The following MGA variants were observed in gnomAD, a reference collection of about 807,000 sequenced individuals.
The protein encoded by MGA is MAX dimerization protein MGA, also known as MAX gene-associated protein.
In MGA, 40 loss-of-function variants were observed where a neutral mutation model predicts 261.1. That is an observed-to-expected ratio of 0.15 (90% confidence interval 0.12 to 0.20). MGA has a LOEUF of 0.20. Among genes scored for constraint, MGA ranks in the 10% least tolerant of loss-of-function variants. The pLI, the probability that MGA is intolerant of heterozygous loss-of-function variation, is 1.00. For missense variants in MGA, 3,397 were observed against 3,630.5 expected (o/e 0.94, Z 1.65); for synonymous variants, 1,302 against 1,290.6 (o/e 1.01, Z -0.19).
intron 19 of MGA, among the ~76,000 whole-genome samples, chr15:41,758,314 C>T (rs987772217): frequency 6.6e-6 from 1 of 152,030 alleles, no homozygotes; most frequent in Non-Finnish European, 1.5e-5. Flanking sequence ...TCCTAACCAA[C>T]AGTAGGCATG....
In MGA at chr15:41,766,965, G is replaced by A. The variant is rs540096894; in HGVS notation, c.8883G>A (p.Val2961=). 16 of 1,613,882 alleles carry A rather than the reference G, an allele frequency of 9.9e-6. No individual in the cohort carries two copies. Among genetic ancestry groups the A allele is most frequent in the Non-Finnish European group, 1.4e-5 (16 of 1,179,902 alleles). ...GCCTCCCTGCAGAGCCCGAAAGTGT[G>A]TCCTCACCCCCCACCCTACACATGA... Residue 2961 remains valine (V), a synonymous_variant, in exon 24 of 24, where the codon GTG becomes GTA. Coordinates refer to ENST00000219905, the MANE Select transcript of MGA (RefSeq NM_001164273.2).
rs1162960633 is a variant in MGA at position 41,766,097 on chromosome 15, C to T, written c.8015C>T (p.Pro2672Leu). 7 of 1,613,772 alleles carry T rather than the reference C, an allele frequency of 4.3e-6. No homozygotes were observed. The highest frequency in any genetic ancestry group is 5.1e-6 in the Non-Finnish European group (6 of 1,179,888). Residue 2672 changes from proline to leucine, a missense_variant, in exon 24 of 24, where the codon CCT becomes CTT. Pro to Leu is a moderately conservative substitution (Grantham distance 98, BLOSUM62 -3). This residue lies in a region of MGA where 647 missense variants were observed against 642.4 expected (regional missense o/e 1.01). Coordinates refer to ENST00000219905, the MANE Select transcript of MGA (RefSeq NM_001164273.2). Reference sequence around the variant, plus strand: ...GTAGATATGGGTGGCAGCAAATATCCTCATGAAGTTCCTGATAGCAAGCCA... The same window carrying T: ...GTAGATATGGGTGGCAGCAAATATCTTCATGAAGTTCCTGATAGCAAGCCA...
rs1163499710 is a variant in MGA, at chr15:41,711,171, G to C, written c.2906G>C (p.Ser969Thr). 1 of 1,614,020 alleles carries C rather than the reference G, an allele frequency of 6.2e-7. No individual in the cohort carries two copies. Among genetic ancestry groups the C allele is most frequent in the Admixed American group, 1.7e-5 (1 of 60,020 alleles). Residue 969 changes from serine (S) to threonine (T), a missense_variant, in exon 8 of 24, where the codon AGT becomes ACT. Ser to Thr is a moderately conservative substitution (Grantham distance 58, BLOSUM62 1). Coordinates refer to ENST00000219905, the MANE Select transcript of MGA (RefSeq NM_001164273.2). ...GAAAATATATTTCCAAAGCAGATTAGTTTGCGGCAGGCACAGCAGCAGCAG... is the reference window on the plus strand; with the variant it reads ...GAAAATATATTTCCAAAGCAGATTACTTTGCGGCAGGCACAGCAGCAGCAG...
At chr15:41,665,704 TCA>T (rs765435980) in intron 1 of MGA, among the ~76,000 whole-genome samples, 2 of 152,198 alleles carry the variant, frequency 1.3e-5, no homozygotes, top group South Asian at 4.2e-4. Context: ...GAGATATAAT[TCA>T]CATAACATAT....
rs758701742 is a variant in MGA, at chr15:41,769,475, A to C, written c.*2195A>C. ...TAACCCCCAAGATACTGTGTTCTCA[A>C]GACCTCTTAGAACTAGGTGTTGTCA... On this transcript the variant is annotated 3_prime_UTR_variant, in exon 24 of 24. Transcript: ENST00000219905. 3 of 152,130 alleles carry C rather than the reference A, an allele frequency of 2.0e-5. No individual in the cohort carries two copies. The highest frequency in any genetic ancestry group is 4.4e-5 in the Non-Finnish European group (3 of 68,018). 9.4% of individuals were successfully genotyped at this position (152,130 alleles called of 1,614,324 possible).
chr15:41,724,106 C>T (rs149889586), intron 9 of MGA, among the ~76,000 whole-genome samples: 83 of 152,098 alleles, frequency 5.5e-4, no homozygotes, highest in African/African-American at 1.8e-3. Flanking sequence ...GATAGAAGTC[C>T]AAGATGTCTT....
chr15:41,669,556 C>T lies in MGA; in HGVS notation c.662C>T (p.Pro221Leu), dbSNP rs766459975. The change falls in exon 2 of 24, where the codon CCT (proline) becomes CTT (leucine). Residue 221 changes from proline to leucine, a missense_variant. By Grantham distance (98) the Pro-to-Leu change is moderately conservative. Coordinates refer to ENST00000219905, the MANE Select transcript of MGA (RefSeq NM_001164273.2). ...GTGGAGGTGATACAATTAAATGGCC[C>T]TGGTGTCCACACTTTTACCTTCCCA... 1 of 1,614,012 alleles carries T rather than the reference C, an allele frequency of 6.2e-7. No individual in the cohort carries two copies.
chr15:41,666,238 A>G (rs2057730628), intron 1 of MGA, among the ~76,000 whole-genome samples: 1 of 152,192 alleles, frequency 6.6e-6, no homozygotes, highest in Non-Finnish European at 1.5e-5. Context: ...TGTTCACAAG[A>G]CACAAAATTT....
At chr15:41,699,252 T>G (rs974511484) in intron 5 of MGA, 93 bp downstream of exon 5, 6 of 807,762 alleles carry the variant, frequency 7.4e-6, no homozygotes, top group African/African-American at 1.8e-5. Flanking sequence ...TCATCTCTTT[T>G]TTTCTGTTTT....
rs1491528643 is a variant in MGA, at chr15:41,762,460, G to GTTTTTTTTTTT, written c.7744+98_7744+99insTTTTTTTTTTT. The GTTTTTTTTTTT allele has an allele frequency of 1.8e-4, 34 of 190,548 alleles. 1 individual carries two copies. Among genetic ancestry groups the GTTTTTTTTTTT allele is most frequent in the African/African-American group, 1.2e-3 (28 of 23,916 alleles). 11.8% of individuals were successfully genotyped at this position (190,548 alleles called of 1,614,324 possible). The stretch of plus-strand genomic sequence containing the variant: ...CTTGTCCACATTTTTAGTTTTGTGT[G>GTTTTTTTTTTT]GTTTTTTTTTTTTTTTTTTTTTTTT... On this transcript the variant is annotated intron_variant, in intron 22 of 23. Transcript: ENST00000219905.
chr15:41,760,450 G>A lies in MGA; in HGVS notation c.7319G>A (p.Arg2440Lys), dbSNP rs2063389537. The A allele has an allele frequency of 1.9e-6, 3 of 1,613,814 alleles. No individual in the cohort carries two copies. The highest frequency in any genetic ancestry group is 2.5e-6 in the Non-Finnish European group (3 of 1,179,876). Residue 2440 changes from arginine to lysine, a missense_variant, in exon 20 of 24, where the codon AGG becomes AAG. Coordinates refer to ENST00000219905, the MANE Select transcript of MGA (RefSeq NM_001164273.2). ...GAGCGGCGGCGGCGTGGTGAAATGA[G>A]GGATCTCTTTGAGAAATTAAAGATC...
intron 1 of MGA, among the ~76,000 whole-genome samples, chr15:41,651,934 C>T (rs1323088935): frequency 4.2e-5 from 3 of 70,792 alleles, no homozygotes; most frequent in East Asian, 7.8e-4. Flanking sequence ...CCTCTCCCTC[C>T]CCCCGTCTCT....
intron 2 of MGA, among the ~76,000 whole-genome samples, chr15:41,674,919 A>G (rs1188036561): frequency 1.3e-5 from 2 of 152,226 alleles, no homozygotes; most frequent in Non-Finnish European, 2.9e-5. Flanking sequence ...AGAGAATTCC[A>G]GCTGAATTTT....
intron 9 of MGA, among the ~76,000 whole-genome samples, chr15:41,725,250 A>G (rs974115308): frequency 1.3e-5 from 2 of 152,218 alleles, no homozygotes; most frequent in Non-Finnish European, 2.9e-5. Context: ...AGGCCGCAGG[A>G]TTGCATGAGG....
Position 41,766,810 on chromosome 15 carries a change from T to C in MGA, c.8728T>C (p.Ser2910Pro). ...CTTGCACTTGGAAGACGATGACTTT[T>C]CTGAGAATGAAAAACAACTTGCAGA... Residue 2910 changes from serine (S) to proline (P), a missense_variant, in exon 24 of 24, where the codon TCT (serine) becomes CCT (proline). By Grantham distance (74) the Ser-to-Pro change is moderately conservative. Transcript: ENST00000219905. 6.2e-7 allele frequency: 1 copy of C among 1,614,012 alleles called. No homozygotes were observed. Among genetic ancestry groups the C allele is most frequent in the Non-Finnish European group, 8.5e-7 (1 of 1,179,896 alleles).
intron 7 of MGA, 82 bp from the exon 8 acceptor site, chr15:41,710,609 C>T (rs1181804497): frequency 1.5e-6 from 2 of 1,325,696 alleles, no homozygotes; most frequent in African/African-American, 3.0e-5. Flanking sequence ...GCTCAATATT[C>T]TTGGCCATTT....
intron 15 of MGA, among the ~76,000 whole-genome samples, chr15:41,743,677 TG>T (rs547050849): frequency 6.6e-6 from 1 of 152,034 alleles, no homozygotes. Flanking sequence ...TTGTGGGGTG[TG>T]GGGGGTGCTG....
chr15:41,629,105 CAAAAAAAAAAAAA>C (rs71108108), intron 1 of MGA, among the ~76,000 whole-genome samples: 1 of 78,078 alleles, frequency 1.3e-5, no homozygotes, highest in African/African-American at 4.8e-5. Context: ...GACTTCGTCT[CAAAAAAAAAAAAA>C]AAAAAAAAGA....
chr15:41,622,498 ATCTT>A (rs977856471), intron 1 of MGA, among the ~76,000 whole-genome samples: 2 of 152,128 alleles, frequency 1.3e-5, no homozygotes, highest in African/African-American at 2.4e-5. Flanking sequence ...ATGTCTGTCT[ATCTT>A]TATCATTCCC....
Sources: gnomAD v4.1 joint callset for allele counts (sites outside exome capture counted in the v4.1 genomes callset) on GRCh38, gnomAD v4.1.1 for gene constraint, gnomAD v4.1.1 regional missense constraint, MANE v1.5 for transcripts, NCBI Gene and HGNC (gene_info 2026-07-23, HGNC 2026-07-21) for gene names.